Variants in UNC13C observed in about 807,000 individuals in gnomAD.
The protein encoded by UNC13C is protein unc-13 homolog C.
Under a neutral mutation model 245.4 loss-of-function variants are expected in UNC13C, and 174 were observed. The ratio of observed to expected loss-of-function variants is 0.71; its 90% CI spans 0.63 to 0.80. The LOEUF (loss-of-function observed/expected upper bound fraction) is 0.80, where lower values mean the gene tolerates loss of function less well. Ranked by LOEUF, UNC13C falls within the 30% of genes least tolerant of loss-of-function variation. UNC13C has a pLI of 0.00. For synonymous variants in UNC13C, 992 were observed against 895.1 expected, an observed-to-expected ratio of 1.11 and a Z score of -1.93; for missense variants, 2,829 against 2,602.9, an observed-to-expected ratio of 1.09 and a Z score of -1.89.
intron 2 of UNC13C, among the ~76,000 whole-genome samples, chr15:54,101,831 G>A (rs536106219): frequency 3.3e-5 from 5 of 151,782 alleles, no homozygotes; most frequent in South Asian, 2.1e-4. Flanking sequence ...TGATCCGCTC[G>A]CCTTGGCCTC....
At chr15:54,125,602 G>T (rs7166148) in intron 2 of UNC13C, among the ~76,000 whole-genome samples, 149,968 of 152,328 alleles carry the variant, frequency 0.98, 73,878 homozygotes, top group Middle Eastern at 1. Flanking sequence ...TATTGAGATA[G>T]TCTTTGAATA....
chr15:54,360,217 C>G (rs2039198128), intron 17 of UNC13C, among the ~76,000 whole-genome samples: 2 of 151,850 alleles, frequency 1.3e-5, no homozygotes, highest in African/African-American at 4.8e-5. Flanking sequence ...GTTCTGTGAC[C>G]TAACATATGA....
At chr15:54,011,962 A>G (rs900757351) in intron 1 of UNC13C, among the ~76,000 whole-genome samples, 5 of 152,244 alleles carry the variant, frequency 3.3e-5, no homozygotes, top group African/African-American at 1.2e-4. Flanking sequence ...TGGAATACCA[A>G]CAAAGCCTTT....
At chr15:54,105,115 A>C (rs1157233282) in intron 2 of UNC13C, among the ~76,000 whole-genome samples, 1 of 152,218 alleles carries the variant, frequency 6.6e-6, no homozygotes, top group East Asian at 1.9e-4. Flanking sequence ...ATAGTTCAAT[A>C]GTTCTTATAC....
chr15:54,405,495 G>C (rs1221361628), intron 18 of UNC13C, among the ~76,000 whole-genome samples: 1 of 152,056 alleles, frequency 6.6e-6, no homozygotes, highest in Non-Finnish European at 1.5e-5. Context: ...TTTAAATAAT[G>C]ATTTGATACT....
chr15:53,956,762 A>G, the UNC13C span, among the ~76,000 whole-genome samples: 1 of 151,688 alleles, frequency 6.6e-6, no homozygotes, highest in African/African-American at 2.4e-5. Flanking sequence ...GTGGTCCAGG[A>G]ATGGATGGTG....
intron 4 of UNC13C, among the ~76,000 whole-genome samples, chr15:54,159,626 T>C (rs955410248): frequency 2.0e-5 from 3 of 152,188 alleles, no homozygotes; most frequent in Non-Finnish European, 4.4e-5. Flanking sequence ...GGCCTACTTC[T>C]GGCATGAAGA....
intron 2 of UNC13C, among the ~76,000 whole-genome samples, chr15:54,018,304 T>C (rs995840964): frequency 6.6e-6 from 1 of 152,224 alleles, no homozygotes; most frequent in Non-Finnish European, 1.5e-5. Flanking sequence ...CTTTTCTCCA[T>C]AAGTAACCTT....
intron 2 of UNC13C, among the ~76,000 whole-genome samples, chr15:54,067,634 G>A (rs998902697): frequency 1.3e-5 from 2 of 152,178 alleles, no homozygotes; most frequent in African/African-American, 4.8e-5. Context: ...ATATATTTAT[G>A]AGTACCTATT....
At chr15:54,210,261 A>G (rs2140747211) in intron 4 of UNC13C, among the ~76,000 whole-genome samples, 1 of 149,696 alleles carries the variant, frequency 6.7e-6, no homozygotes, top group South Asian at 2.1e-4. Flanking sequence ...TATATGGTCT[A>G]ACAAAACCAG....
intron 29 of UNC13C, among the ~76,000 whole-genome samples, chr15:54,566,569 T>G (rs1897524677): frequency 6.6e-6 from 1 of 151,974 alleles, no homozygotes; most frequent in African/African-American, 2.4e-5. Context: ...TCTTTCTGCC[T>G]GGGGAGGGTA....
chr15:54,179,241 T>C (rs2141299091), intron 4 of UNC13C, among the ~76,000 whole-genome samples: 1 of 152,088 alleles, frequency 6.6e-6, no homozygotes, highest in East Asian at 1.9e-4. Context: ...GCACATACAA[T>C]AAAAAATTAT....
chr15:54,552,706 AT>A (rs1414058884), intron 28 of UNC13C, among the ~76,000 whole-genome samples: 1 of 79,736 alleles, frequency 1.3e-5, no homozygotes, highest in Non-Finnish European at 2.1e-5. Context: ...ATTATATATA[AT>A]TATATTATAT....
At chr15:54,435,042 G>T (rs563609297) in intron 19 of UNC13C, among the ~76,000 whole-genome samples, 1 of 151,916 alleles carries the variant, frequency 6.6e-6, no homozygotes, top group African/African-American at 2.4e-5. Context: ...ACCATCTCAC[G>T]CCAGTTAGAA....
intron 30 of UNC13C, among the ~76,000 whole-genome samples, chr15:54,599,693 T>A (rs1420458953): frequency 6.6e-6 from 1 of 152,134 alleles, no homozygotes; most frequent in East Asian, 1.9e-4. Context: ...TTAAGTAGCC[T>A]ACTTCAGTGG....
chr15:54,037,665 G>C (rs901545496), intron 2 of UNC13C, among the ~76,000 whole-genome samples: 1 of 151,948 alleles, frequency 6.6e-6, no homozygotes, highest in Non-Finnish European at 1.5e-5. Flanking sequence ...TTTTGGATGT[G>C]GTGTTCACTT....
At chr15:54,596,223 A>G (rs188710528) in intron 30 of UNC13C, among the ~76,000 whole-genome samples, 91 of 152,262 alleles carry the variant, frequency 6.0e-4, no homozygotes, top group African/African-American at 2.0e-3. Context: ...ATGGCATATA[A>G]ATACGCTTAT....
At chr15:54,047,312 A>G (rs1247930037) in intron 2 of UNC13C, among the ~76,000 whole-genome samples, 1 of 152,044 alleles carries the variant, frequency 6.6e-6, no homozygotes, top group Non-Finnish European at 1.5e-5. Flanking sequence ...ATTCAGTGGC[A>G]TTAACATTCA....
At chr15:53,900,665 AT>A in the UNC13C span, among the ~76,000 whole-genome samples, 35 of 150,586 alleles carry the variant, frequency 2.3e-4, no homozygotes, top group African/African-American at 6.6e-4. Flanking sequence ...TCAAACTTCT[AT>A]TTTTTTTTCA....
Sources: allele counts gnomAD v4.1 joint callset (sites outside exome capture counted in the v4.1 genomes callset), GRCh38; gene constraint gnomAD v4.1.1; transcripts MANE v1.5; gene names NCBI Gene and HGNC (gene_info 2026-07-23, HGNC 2026-07-21).